The following ANK2 variants were observed in gnomAD, a reference collection of about 807,000 sequenced individuals.
The protein encoded by ANK2 is ankyrin-2.
ANK2 carries 83 observed loss-of-function variants against 360.5 expected under a neutral mutation model. The observed-to-expected ratio is 0.23, with a 90% CI of 0.19 to 0.28. ANK2 has a LOEUF of 0.28. Among genes scored for constraint, ANK2 ranks in the 10% least tolerant of loss-of-function variants. The probability of loss-of-function intolerance (pLI) is 1.00; values close to 1 mark genes in which losing one functional copy is unlikely to be tolerated. For synonymous variants in ANK2, 1,740 were observed against 1,759.5 expected (o/e 0.99, Z 0.28); for missense variants, 4,201 against 4,795.7 (o/e 0.88, Z 3.66).
chr4:112,709,844 G>A, the ANK2 span, among the ~76,000 whole-genome samples: 6 of 152,180 alleles, frequency 3.9e-5, no homozygotes, highest in Non-Finnish European at 7.3e-5. Flanking sequence ...ATTGATTGCT[G>A]TGAGACTTGG....
At chr4:113,075,922 C>T (rs1265912261) in intron 1 of ANK2, among the ~76,000 whole-genome samples, 9 of 152,010 alleles carry the variant, frequency 5.9e-5, no homozygotes, top group African/African-American at 1.7e-4. Flanking sequence ...CTTTAGTGTG[C>T]GATAGAATAT....
intron 2 of ANK2, among the ~76,000 whole-genome samples, chr4:112,999,676 CA>C (rs1182480583): frequency 6.6e-6 from 1 of 150,482 alleles, no homozygotes; most frequent in Non-Finnish European, 1.5e-5. Context: ...AAAAAAGCAA[CA>C]AAAAAACCCA....
At chr4:112,894,220 TA>T (rs1310953019) in intron 1 of ANK2, among the ~76,000 whole-genome samples, 7 of 152,116 alleles carry the variant, frequency 4.6e-5, no homozygotes, top group Non-Finnish European at 8.8e-5. Context: ...GCTAGGCATG[TA>T]ATAGGCCCTG....
intron 1 of ANK2, among the ~76,000 whole-genome samples, chr4:113,099,399 CA>C (rs896378524): frequency 2.0e-5 from 3 of 151,556 alleles, no homozygotes; most frequent in Non-Finnish European, 4.4e-5. Flanking sequence ...TCATTAGCAC[CA>C]AAAAATGAAA....
Position 113,135,666 on chromosome 4 carries a change from A to T in ANK2, c.85-38750A>T, listed in dbSNP as rs1431810176. ...TAGTGACACTGATGGATATCCTGAA[A>T]TATCCATGATGTGATCAACAGTCTT... On this transcript the variant is annotated intron_variant, in intron 1 of 45. Coordinates refer to ENST00000357077, the MANE Select transcript of ANK2 (RefSeq NM_001148.6). 2.0e-5 allele frequency among the ~76,000 whole-genome samples: 3 copies of T among 152,182 alleles called. No homozygotes were observed. The East Asian group carries it at 5.8e-4, about 29-fold the overall frequency.
chr4:113,233,356 C>G (rs964783275), intron 5 of ANK2, among the ~76,000 whole-genome samples: 2 of 151,044 alleles, frequency 1.3e-5, no homozygotes, highest in East Asian at 3.9e-4. Context: ...GGGATGGTCT[C>G]GATCTCTTGA....
Position 113,353,302 on chromosome 4 carries a change from G to A in ANK2, c.4684G>A (p.Val1562Met). 6.2e-7 allele frequency: 1 copy of A among 1,613,804 alleles called. No homozygotes were observed. The highest frequency in any genetic ancestry group is 1.1e-5 in the South Asian group (1 of 91,074). The stretch of plus-strand genomic sequence containing the variant: ...AAGAGTTAAAGAGGACTTAGAGAAA[G>A]TGAATGAAATCCTGAGAAGTGGAAC... ...VERVKEDLEKVNEILRSGTCT... is the reference protein window; with the variant it reads ...VERVKEDLEKMNEILRSGTCT... Residue 1562 changes from valine to methionine, a missense_variant, in exon 38 of 46, where the codon GTG becomes ATG. Transcript: ENST00000357077.
chr4:112,803,114 CT>C, the ANK2 span, among the ~76,000 whole-genome samples: 1 of 152,124 alleles, frequency 6.6e-6, no homozygotes, highest in Non-Finnish European at 1.5e-5. Context: ...CCTTGATCTC[CT>C]TTCAAGTTTC....
chr4:112,781,019 G>A, the ANK2 span, among the ~76,000 whole-genome samples: 4 of 151,884 alleles, frequency 2.6e-5, no homozygotes, highest in African/African-American at 9.7e-5. Context: ...ATTTTTTTGA[G>A]ACAAGGTCTT....
chr4:113,374,098 A>G (rs1484048805), intron 45 of ANK2, among the ~76,000 whole-genome samples: 1 of 151,976 alleles, frequency 6.6e-6, no homozygotes, highest in East Asian at 1.9e-4. Flanking sequence ...TAATTTTTGT[A>G]TTTTTAGTAG....
At chr4:112,941,561 T>A in intron 2 of ANK2, among the ~76,000 whole-genome samples, 1 of 143,630 alleles carries the variant, frequency 7.0e-6, no homozygotes, top group African/African-American at 2.5e-5. Context: ...TACATATATC[T>A]CTATAAATAT....
At chr4:113,337,417 T>C (rs2153966147) in intron 31 of ANK2, among the ~76,000 whole-genome samples, 1 of 152,310 alleles carries the variant, frequency 6.6e-6, no homozygotes, top group South Asian at 2.1e-4. Context: ...TGGTAGTCTC[T>C]TCATAACAAT....
intron 1 of ANK2, among the ~76,000 whole-genome samples, chr4:113,146,731 G>C (rs997882841): frequency 6.6e-6 from 1 of 151,660 alleles, no homozygotes; most frequent in South Asian, 2.1e-4. Flanking sequence ...ATTTGCTGGA[G>C]AATAAAGTTT....
chr4:113,370,110 A>G (rs2096675326), intron 43 of ANK2, among the ~76,000 whole-genome samples: 1 of 152,222 alleles, frequency 6.6e-6, no homozygotes, highest in Admixed American at 6.5e-5. Flanking sequence ...TTTCAAAATT[A>G]GTAAACTTGG....
At chr4:112,708,152 G>A in the ANK2 span, among the ~76,000 whole-genome samples, 117 of 152,306 alleles carry the variant, frequency 7.7e-4, 1 homozygote, top group South Asian at 4.1e-3. Context: ...AAAAACGGAA[G>A]GGAAAACCGT....
chr4:113,065,597 G>A (rs13123913), intron 1 of ANK2, among the ~76,000 whole-genome samples: 3 of 152,174 alleles, frequency 2.0e-5, no homozygotes, highest in Non-Finnish European at 4.4e-5. Context: ...TTGATTCCTA[G>A]AAAAGTGTTT....
chr4:113,027,054 G>T (rs181272289), intron 2 of ANK2, among the ~76,000 whole-genome samples: 4 of 152,120 alleles, frequency 2.6e-5, no homozygotes, highest in African/African-American at 9.7e-5. Context: ...TGAAGATGGC[G>T]TGCTGGATAT....
At chr4:112,712,402 ATATATTTT>A in the ANK2 span, among the ~76,000 whole-genome samples, 2 of 72,278 alleles carry the variant, frequency 2.8e-5, no homozygotes, top group Non-Finnish European at 5.5e-5. Flanking sequence ...ATATATATAT[ATATATTTT>A]TTTTTTTTTT....
intron 24 of ANK2, among the ~76,000 whole-genome samples, chr4:113,315,538 G>C (rs371039967): frequency 5.3e-5 from 8 of 152,212 alleles, no homozygotes; most frequent in African/African-American, 1.9e-4. Context: ...AGAAGAGGTT[G>C]GCTCCTCTAC....
Sources: gnomAD v4.1 joint callset for allele counts (sites outside exome capture counted in the v4.1 genomes callset) on GRCh38, gnomAD v4.1.1 for gene constraint, MANE v1.5 for transcripts, NCBI Gene and HGNC (gene_info 2026-07-23, HGNC 2026-07-21) for gene names.